Variants in PIAS2 observed in about 807,000 individuals in gnomAD.
PIAS2 encodes the protein protein inhibitor of activated STAT 2.
PIAS2 carries 19 observed loss-of-function variants against 69.7 expected under a neutral mutation model. The observed-to-expected ratio is 0.27, with a 90% confidence interval of 0.19 to 0.40. The LOEUF (loss-of-function observed/expected upper bound fraction) is 0.40, where lower values mean the gene tolerates loss of function less well. Among genes scored for constraint, PIAS2 ranks in the 10% least tolerant of loss-of-function variants. PIAS2 has a pLI of 1.00. For missense variants in PIAS2, 624 were observed against 757.0 expected, an observed-to-expected ratio of 0.82 and a Z score of 2.06; for synonymous variants, 261 against 263.2, an observed-to-expected ratio of 0.99 and a Z score of 0.08.
At chr18:46,857,222 C>T (rs1292244995) in intron 3 of PIAS2, among the ~76,000 whole-genome samples, 1 of 151,802 alleles carries the variant, frequency 6.6e-6, no homozygotes, top group South Asian at 2.1e-4. Context: ...CCATATCACT[C>T]CACTCATTCA....
At chr18:46,816,435 C>A in intron 12 of PIAS2, 1 of 984,960 alleles carries the variant, frequency 1.0e-6, no homozygotes, top group Non-Finnish European at 1.2e-6. Context: ...ATCATTCCAA[C>A]GATTTCTAAA....
At position 46,808,151 on chromosome 18, in the gene PIAS2, A is replaced by G. The variant is rs541360951; in HGVS notation, c.*4282T>C. ...TTTAATGACATGGAATAATGCCTGTAGGTTGCGGGGAAAAACCCCAAGATA... is the reference window on the plus strand; with the variant it reads ...TTTAATGACATGGAATAATGCCTGTGGGTTGCGGGGAAAAACCCCAAGATA... On this transcript the variant is annotated 3_prime_UTR_variant, in exon 14 of 14. Coordinates refer to ENST00000585916, the MANE Select transcript of PIAS2 (RefSeq NM_004671.5). 6.6e-6 allele frequency: 1 copy of G among 152,360 alleles called. No homozygotes were observed. Among genetic ancestry groups the G allele is most frequent in the Admixed American group, 6.5e-5 (1 of 15,308 alleles). 9.4% of individuals were successfully genotyped at this position (152,360 alleles called of 1,614,324 possible).
intron 1 of PIAS2, among the ~76,000 whole-genome samples, chr18:46,909,266 C>CT (rs891315624): frequency 2.5e-4 from 37 of 149,628 alleles, no homozygotes; most frequent in African/African-American, 7.6e-4. Context: ...TGGGTAAAAA[C>CT]TTTTTTTTTT....
At chr18:46,904,470 G>A (rs534827223) in intron 1 of PIAS2, among the ~76,000 whole-genome samples, 37 of 152,212 alleles carry the variant, frequency 2.4e-4, no homozygotes, top group African/African-American at 8.4e-4. Context: ...AACCTAGAAG[G>A]CCGGGTGCGG....
At chr18:46,850,026 C>T (rs1039691340) in intron 5 of PIAS2, among the ~76,000 whole-genome samples, 4 of 152,124 alleles carry the variant, frequency 2.6e-5, no homozygotes, top group African/African-American at 4.8e-5. Context: ...TCACCTAACA[C>T]CTTGTCTTTC....
intron 2 of PIAS2, among the ~76,000 whole-genome samples, chr18:46,876,261 GTCCTTTGACCC>G (rs1375504791): frequency 6.6e-6 from 1 of 152,194 alleles, no homozygotes; most frequent in East Asian, 1.9e-4. Flanking sequence ...GCCCTCATGG[GTCCTTTGACCC>G]TCACGTTTAT....
chr18:46,817,686 A>G (rs477826), intron 12 of PIAS2: 424,960 of 945,934 alleles, frequency 0.45, 95,938 homozygotes, highest in Middle Eastern at 0.49. Context: ...TTGTTTACCA[A>G]GCATTACAAG....
Position 46,806,760 on chromosome 18 carries a change from A to G in PIAS2, c.*5673T>C, listed in dbSNP as rs189391440. 3 of 152,274 alleles carry G rather than the reference A, an allele frequency of 2.0e-5. No homozygotes were observed. Among genetic ancestry groups the G allele is most frequent in the Admixed American group, 2.0e-4 (3 of 15,296 alleles). 9.4% of individuals were successfully genotyped at this position (152,274 alleles called of 1,614,324 possible). A position where few individuals can be genotyped will look rare whatever the true frequency, so the allele number is the denominator to read the frequency against. On this transcript the variant is annotated 3_prime_UTR_variant, in exon 14 of 14. Coordinates refer to ENST00000585916, the MANE Select transcript of PIAS2 (RefSeq NM_004671.5). ...CGTGTACTTACAAAACACTCTAAAC[A>G]TTTATTAAACAGTTTGATGAAGGCC...
Position 46,812,470 on chromosome 18 carries a change from C to T in PIAS2, c.1829G>A (p.Ser610Asn), listed in dbSNP as rs751618497. Residue 610 changes from serine (S) to asparagine (N), a missense_variant, in exon 14 of 14, where the codon AGT becomes AAT. Ser to Asn is a conservative substitution (Grantham distance 46). Around this residue, in one of 3 missense-constraint regions of PIAS2, gnomAD observed 241 missense variants for 257.3 expected, o/e 0.94. Coordinates refer to ENST00000585916, the MANE Select transcript of PIAS2 (RefSeq NM_004671.5). ...SRSETGVITSSGSNIPDIISL... is the reference protein window; with the variant it reads ...SRSETGVITSNGSNIPDIISL... ...GATGATGTCAGGAATGTTACTTCCA[C>T]TGCTGGTTATGACCCCTGTCTCACT... is the stretch of plus-strand genomic sequence containing the variant. The T allele has an allele frequency of 5.0e-6, 8 of 1,612,658 alleles. No individual in the cohort carries two copies. The highest frequency in any genetic ancestry group is 3.4e-6 in the Non-Finnish European group (4 of 1,179,066).
intron 8 of PIAS2, 26 bp from the exon 9 acceptor site, chr18:46,836,543 A>T (rs775358669): frequency 6.3e-7 from 1 of 1,581,792 alleles, no homozygotes; most frequent in Admixed American, 1.7e-5. Flanking sequence ...CACAAGGAAA[A>T]CTATTTCAGA....
In PIAS2 at chr18:46,917,450, G is replaced by T; in HGVS notation, c.-105C>A. The stretch of plus-strand genomic sequence containing the variant: ...CCGCCGCCGCCTCCAGCACCATCCT[G>T]CACTGGGCGCCGCTTAAGACGCCGC... On this transcript the variant is annotated 5_prime_UTR_variant, in exon 1 of 14. Coordinates refer to ENST00000585916, the MANE Select transcript of PIAS2 (RefSeq NM_004671.5). 8.0e-7 allele frequency: 1 copy of T among 1,245,608 alleles called. No homozygotes were observed. Among genetic ancestry groups the T allele is most frequent in the Non-Finnish European group, 1.0e-6 (1 of 990,768 alleles). The allele number at this position is 1,245,608 out of a possible 1,614,324, so 77.2% of individuals were successfully genotyped here.
intron 8 of PIAS2, among the ~76,000 whole-genome samples, chr18:46,842,357 T>C (rs2045545448): frequency 6.6e-6 from 1 of 151,580 alleles, no homozygotes; most frequent in African/African-American, 2.4e-5. Context: ...GTTGCTCTCA[T>C]GTAGAATGGC....
At chr18:46,832,450 T>G (rs1197977064) in intron 9 of PIAS2, among the ~76,000 whole-genome samples, 3 of 151,368 alleles carry the variant, frequency 2.0e-5, no homozygotes, top group Non-Finnish European at 4.4e-5. Context: ...CAAAAAAAAG[T>G]GGGCAAAAGT....
Position 46,804,144 on chromosome 18 carries a change from T to G in PIAS2, c.*8289A>C, listed in dbSNP as rs972737955. 1 of 152,194 alleles carries G rather than the reference T, an allele frequency of 6.6e-6. No individual in the cohort carries two copies. Among genetic ancestry groups the G allele is most frequent in the Admixed American group, 6.5e-5 (1 of 15,286 alleles). The allele number at this position is 152,194 out of a possible 1,614,324, so 9.4% of individuals were successfully genotyped here. ...ATCCACCAATATTTACTGGGCACCT[T>G]CTATGTAGCCCATATCATGTTAGGC... On this transcript the variant is annotated 3_prime_UTR_variant, in exon 14 of 14. Transcript: ENST00000585916.
chr18:46,876,034 G>A (rs989783329), intron 2 of PIAS2, among the ~76,000 whole-genome samples: 17 of 152,166 alleles, frequency 1.1e-4, no homozygotes, highest in Non-Finnish European at 1.6e-4. Context: ...AGACCTAAAG[G>A]GATGCAGTGA....
intron 6 of PIAS2, 176 bp downstream of exon 6, chr18:46,846,531 T>A: frequency 2.1e-6 from 1 of 482,116 alleles, no homozygotes; most frequent in South Asian, 6.0e-5. Flanking sequence ...AAGCTCAGAG[T>A]TAAAGTTTTT....
chr18:46,831,850 T>A (rs1159342245), intron 9 of PIAS2, among the ~76,000 whole-genome samples: 1 of 152,130 alleles, frequency 6.6e-6, no homozygotes, highest in Non-Finnish European at 1.5e-5. Flanking sequence ...ATTATAAAAC[T>A]TCTACAGGAA....
rs546278237 is a variant in PIAS2 at position 46,864,302 on chromosome 18, C to T, written c.500-54G>A. ...TATTTCAATAACAAATCCAACACTA[C>T]AACCACCTGCAATAACCAGGCATTT... On this transcript the variant is annotated intron_variant, in intron 2 of 13. Transcript: ENST00000585916. 1.6e-4 allele frequency: 188 copies of T among 1,147,644 alleles called. 2 individuals are homozygous for T. In the South Asian group the frequency reaches 2.5e-3, roughly 16 times the overall value. 71.1% of individuals were successfully genotyped at this position (1,147,644 alleles called of 1,614,324 possible). A position where few individuals can be genotyped will look rare whatever the true frequency, so the allele number is the denominator to read the frequency against.
chr18:46,807,353 T>C lies in PIAS2; in HGVS notation c.*5080A>G, dbSNP rs1444641132. On this transcript the variant is annotated 3_prime_UTR_variant, in exon 14 of 14. Transcript: ENST00000585916. The stretch of plus-strand genomic sequence containing the variant: ...GTAGGTGTTTCTGAAACATGTCAGA[T>C]TTTATATATATATATATATATATAT... The C allele has an allele frequency of 3.1e-5, 2 of 64,466 alleles. No homozygotes were observed. Among genetic ancestry groups the C allele is most frequent in the Non-Finnish European group, 5.9e-5 (2 of 33,752 alleles). 4.0% of individuals were successfully genotyped at this position (64,466 alleles called of 1,614,324 possible). A position where few individuals can be genotyped will look rare whatever the true frequency, so the allele number is the denominator to read the frequency against.
Sources: gnomAD v4.1 joint callset for allele counts (sites outside exome capture counted in the v4.1 genomes callset) on GRCh38, gnomAD v4.1.1 for gene constraint, gnomAD v4.1.1 regional missense constraint, MANE v1.5 for transcripts, NCBI Gene and HGNC (gene_info 2026-07-23, HGNC 2026-07-21) for gene names.